AP1AR: variants seen among roughly 807,000 people sequenced by gnomAD.
AP1AR encodes AP-1 complex-associated regulatory protein.
AP1AR carries 29 observed loss-of-function variants against 46.3 expected under a neutral mutation model. That is an observed-to-expected ratio of 0.63 (90% CI 0.47 to 0.85). The LOEUF is 0.85. Among genes scored for constraint, AP1AR ranks in the 40% least tolerant of loss-of-function variants. AP1AR has a pLI of 0.00. For synonymous variants in AP1AR, 122 were observed against 122.9 expected (o/e 0.99, Z 0.05); for missense variants, 357 against 356.3 (o/e 1.00, Z -0.02).
At chr4:112,249,802 A>T (rs1174699577) in intron 1 of AP1AR, among the ~76,000 whole-genome samples, 1 of 152,160 alleles carries the variant, frequency 6.6e-6, no homozygotes, top group East Asian at 1.9e-4. Context: ...GATGTTGGCG[A>T]GGATGTGGGG....
At position 112,269,431 on chromosome 4, in the gene AP1AR, A is replaced by G. The variant is rs1191760554; in HGVS notation, c.*1022A>G. 1 of 152,468 alleles carries G rather than the reference A, an allele frequency of 6.6e-6. No individual in the cohort carries two copies. The highest frequency in any genetic ancestry group is 1.5e-5 in the Non-Finnish European group (1 of 67,920). 9.4% of individuals were successfully genotyped at this position (152,468 alleles called of 1,614,324 possible). ...TAACTGCATTTTGTGCTAGACAATT[A>G]CTGTTCTTTTCTCTAAAATGTATAT... On this transcript the variant is annotated 3_prime_UTR_variant, in exon 10 of 10. Coordinates refer to ENST00000274000, the MANE Select transcript of AP1AR (RefSeq NM_018569.6).
In AP1AR at chr4:112,231,828, G is replaced by T; in HGVS notation, c.-264G>T. On this transcript the variant is annotated 5_prime_UTR_variant, in exon 1 of 10. Transcript: ENST00000274000. ...GAGCTGAGGCGAGAAGGGCCATGCG[G>T]ACGGCGAGGGAGTCCAGAGCCTTGA... 2.8e-6 allele frequency: 1 copy of T among 359,714 alleles called. No homozygotes were observed. The highest frequency in any genetic ancestry group is 5.0e-6 in the Non-Finnish European group (1 of 201,456). 22.3% of individuals were successfully genotyped at this position (359,714 alleles called of 1,614,324 possible). A position where few individuals can be genotyped will look rare whatever the true frequency, so the allele number is the denominator to read the frequency against.
rs116145606 is a variant in AP1AR, at chr4:112,271,924, G to A, written c.*3515G>A. On this transcript the variant is annotated 3_prime_UTR_variant, in exon 10 of 10. Transcript: ENST00000274000. Reference sequence around the variant, plus strand: ...TAAGTGTTGACATTTAGAAGTTGGGGGTAGTGAAACAGTCGTCAAAAGAAA... The same window carrying A: ...TAAGTGTTGACATTTAGAAGTTGGGAGTAGTGAAACAGTCGTCAAAAGAAA... 6.6e-6 allele frequency among the ~76,000 whole-genome samples: 1 copy of A among 152,172 alleles called. No individual in the cohort carries two copies. Among genetic ancestry groups the A allele is most frequent in the African/African-American group, 2.4e-5 (1 of 41,428 alleles).
chr4:112,257,700 AATTGT>A, intron 3 of AP1AR, 67 bp from the exon 4 acceptor site: 2 of 1,220,966 alleles, frequency 1.6e-6, no homozygotes, highest in Non-Finnish European at 2.3e-6. Context: ...ATTAAATAAA[AATTGT>A]ATTGGTTACT....
intron 2 of AP1AR, 121 bp from the exon 3 acceptor site, chr4:112,254,626 A>G: frequency 3.6e-6 from 2 of 557,442 alleles, no homozygotes; most frequent in Non-Finnish European, 6.1e-6. Context: ...AGGCATTTGA[A>G]TTAAATAGCT....
In AP1AR at chr4:112,272,651, C is replaced by G. The variant is rs570818249; in HGVS notation, c.*4242C>G. On this transcript the variant is annotated 3_prime_UTR_variant, in exon 10 of 10. Coordinates refer to ENST00000274000, the MANE Select transcript of AP1AR (RefSeq NM_018569.6). The stretch of plus-strand genomic sequence containing the variant: ...TGGGTACTCAATCTTTTGACGTCCC[C>G]CTTCGTTCCATCCAAGTGTACTTTT... Among the ~76,000 whole-genome samples, 1 of 152,250 alleles carries G rather than the reference C, an allele frequency of 6.6e-6. No individual in the cohort carries two copies. Among genetic ancestry groups the G allele is most frequent in the South Asian group, 2.1e-4 (1 of 4,816 alleles).
Position 112,272,309 on chromosome 4 carries a change from C to T in AP1AR, c.*3900C>T, listed in dbSNP as rs1034812843. On this transcript the variant is annotated 3_prime_UTR_variant, in exon 10 of 10. Coordinates refer to ENST00000274000, the MANE Select transcript of AP1AR (RefSeq NM_018569.6). Reference sequence around the variant, plus strand: ...AGGGAAGGGAAAATCTAACAGGAGACATCTTGAGCTCATGGGCAACAACTT... The same window carrying T: ...AGGGAAGGGAAAATCTAACAGGAGATATCTTGAGCTCATGGGCAACAACTT... 2.0e-5 allele frequency among the ~76,000 whole-genome samples: 3 copies of T among 152,104 alleles called. No homozygotes were observed. The highest frequency in any genetic ancestry group is 7.2e-5 in the African/African-American group (3 of 41,406).
chr4:112,233,879 C>A (rs1352978996), intron 1 of AP1AR, among the ~76,000 whole-genome samples: 1 of 151,906 alleles, frequency 6.6e-6, no homozygotes, highest in Non-Finnish European at 1.5e-5. Flanking sequence ...TTTTTTGAGA[C>A]GGAGTCTCGC....
intron 1 of AP1AR, among the ~76,000 whole-genome samples, chr4:112,246,933 G>T (rs1022633288): frequency 3.9e-5 from 6 of 152,076 alleles, no homozygotes; most frequent in Non-Finnish European, 5.9e-5. Flanking sequence ...TTAAAAATAT[G>T]ATTAACTTCC....
chr4:112,268,089 A>T, intron 9 of AP1AR, 55 bp from the exon 10 acceptor site: 2 of 1,460,436 alleles, frequency 1.4e-6, no homozygotes, highest in Non-Finnish European at 1.8e-6. Flanking sequence ...GGGAGTTTTT[A>T]AATATAGCTT....
intron 3 of AP1AR, among the ~76,000 whole-genome samples, chr4:112,257,374 G>A (rs1726242148): frequency 6.6e-6 from 1 of 152,098 alleles, no homozygotes; most frequent in Non-Finnish European, 1.5e-5. Flanking sequence ...AATTTTCCAA[G>A]TAGGCAAATT....
At chr4:112,257,821 AAC>A in intron 4 of AP1AR, 24 bp downstream of exon 4, 5 of 1,544,582 alleles carry the variant, frequency 3.2e-6, no homozygotes, top group South Asian at 1.3e-5. Context: ...AAAAAAAAAA[AAC>A]AAAACTTCTA....
rs190508575 is a variant in AP1AR at position 112,241,735 on chromosome 4, G to A, written c.83+9561G>A. On this transcript the variant is annotated intron_variant, in intron 1 of 9. Transcript: ENST00000274000. ...AACCGTCACATCACCTTATGTCACT[G>A]CTATCCCTACCTGGAAAAATGTGTT... Among the ~76,000 whole-genome samples, 66 of 152,288 alleles carry A rather than the reference G, an allele frequency of 4.3e-4. 1 individual carries two copies. The highest frequency in any genetic ancestry group is 2.7e-3 in the Admixed American group (41 of 15,294).
At chr4:112,263,153 G>T in intron 6 of AP1AR, 67 bp downstream of exon 6, 6 of 1,242,016 alleles carry the variant, frequency 4.8e-6, no homozygotes, top group Non-Finnish European at 6.9e-6. Flanking sequence ...ACAAATCTTA[G>T]TTGGGACTCT....
intron 4 of AP1AR, among the ~76,000 whole-genome samples, chr4:112,259,964 AAAGT>A (rs989077217): frequency 1.3e-5 from 2 of 152,196 alleles, no homozygotes; most frequent in Non-Finnish European, 2.9e-5. Flanking sequence ...AAGATAAAAA[AAAGT>A]ATGAATAAGG....
intron 1 of AP1AR, among the ~76,000 whole-genome samples, chr4:112,236,426 A>G (rs1725244886): frequency 7.1e-6 from 1 of 141,518 alleles, no homozygotes; most frequent in African/African-American, 2.7e-5. Context: ...CCCAAAAAGG[A>G]GTCTCGCTCT....
chr4:112,249,187 G>A (rs1306778944), intron 1 of AP1AR, among the ~76,000 whole-genome samples: 5 of 151,942 alleles, frequency 3.3e-5, no homozygotes, highest in African/African-American at 7.3e-5. Flanking sequence ...CCAGCTACTC[G>A]GGAGGCTGAG....
In AP1AR at chr4:112,270,669, G is replaced by A. The variant is rs79336969; in HGVS notation, c.*2260G>A. Among the ~76,000 whole-genome samples the A allele has an allele frequency of 6.6e-3, 1,010 of 152,316 alleles. 7 individuals carry two copies. The highest frequency in any genetic ancestry group is 0.023 in the African/African-American group (948 of 41,574). On this transcript the variant is annotated 3_prime_UTR_variant, in exon 10 of 10. Coordinates refer to ENST00000274000, the MANE Select transcript of AP1AR (RefSeq NM_018569.6). ...GGCAAGTACAAAGTACCTGAGGTGG[G>A]AAAGAGTTTGTTATGTTCTGTGAAT...
chr4:112,263,363 A>C (rs1726535642), intron 6 of AP1AR, among the ~76,000 whole-genome samples: 1 of 152,156 alleles, frequency 6.6e-6, no homozygotes, highest in African/African-American at 2.4e-5. Context: ...TAGTGCTATA[A>C]AATTCAGTAT....
Sources: allele counts gnomAD v4.1 joint callset (sites outside exome capture counted in the v4.1 genomes callset), GRCh38; gene constraint gnomAD v4.1.1; transcripts MANE v1.5; gene names NCBI Gene and HGNC (gene_info 2026-07-23, HGNC 2026-07-21).